CCSER1: variants seen among roughly 807,000 people sequenced by gnomAD.
CCSER1 encodes the protein coiled-coil serine rich protein 1.
CCSER1 carries 41 observed loss-of-function variants against 82.0 expected under a neutral mutation model. That is an observed-to-expected ratio of 0.50 (90% CI 0.39 to 0.65). The LOEUF (loss-of-function observed/expected upper bound fraction) is 0.65. CCSER1 is among the 30% of genes least tolerant of loss of function. The pLI, the probability that CCSER1 is intolerant of heterozygous loss-of-function variation, is 0.00. For missense variants in CCSER1, 1,119 were observed against 1,064.2 expected (o/e 1.05, Z -0.72); for synonymous variants, 414 against 383.9 (o/e 1.08, Z -0.92).
intron 1 of CCSER1, among the ~76,000 whole-genome samples, chr4:90,240,100 G>C (rs148411131): frequency 6.6e-6 from 1 of 152,294 alleles, no homozygotes; most frequent in African/African-American, 2.4e-5. Flanking sequence ...GAGCAGAGAA[G>C]TTTTCGAGTT....
intron 9 of CCSER1, among the ~76,000 whole-genome samples, chr4:91,047,346 T>C (rs1478752821): frequency 6.6e-6 from 1 of 152,184 alleles, no homozygotes; most frequent in African/African-American, 2.4e-5. Flanking sequence ...CCATTTTCAA[T>C]ACCTATTTAT....
At chr4:90,579,029 A>AGTCAAG (rs60273839) in intron 5 of CCSER1, among the ~76,000 whole-genome samples, 67,308 of 151,050 alleles carry the variant, frequency 0.45, 18,206 homozygotes, top group African/African-American at 0.77. Flanking sequence ...AAAAAGCTTG[A>AGTCAAG]CTTTTTTTAA....
intron 1 of CCSER1, among the ~76,000 whole-genome samples, chr4:90,166,397 CAT>C (rs1560727354): frequency 6.6e-6 from 1 of 151,796 alleles, no homozygotes; most frequent in Non-Finnish European, 1.5e-5. Context: ...AAAATAGTGA[CAT>C]AGAGTAAAAA....
chr4:90,573,725 T>G (rs1428486398), intron 5 of CCSER1, among the ~76,000 whole-genome samples: 1 of 152,188 alleles, frequency 6.6e-6, no homozygotes, highest in African/African-American at 2.4e-5. Flanking sequence ...TTTTTAATTT[T>G]AAAAGATATT....
At chr4:90,762,645 G>C (rs1158765853) in intron 7 of CCSER1, among the ~76,000 whole-genome samples, 5 of 152,002 alleles carry the variant, frequency 3.3e-5, no homozygotes, top group African/African-American at 9.7e-5. Context: ...TCTAATAATA[G>C]CACTTAGATA....
chr4:91,175,146 A>G (rs927208237), intron 10 of CCSER1, among the ~76,000 whole-genome samples: 2 of 152,168 alleles, frequency 1.3e-5, no homozygotes, highest in Non-Finnish European at 2.9e-5. Flanking sequence ...TATAAAGGAC[A>G]TGAACTCATC....
At chr4:90,909,201 C>T (rs571432787) in intron 8 of CCSER1, among the ~76,000 whole-genome samples, 3 of 152,260 alleles carry the variant, frequency 2.0e-5, no homozygotes, top group Non-Finnish European at 4.4e-5. Flanking sequence ...TGTCCCTCTT[C>T]TTATAAAGAA....
chr4:91,438,642 T>C (rs1754862241), intron 10 of CCSER1, among the ~76,000 whole-genome samples: 1 of 152,182 alleles, frequency 6.6e-6, no homozygotes, highest in Non-Finnish European at 1.5e-5. Flanking sequence ...AGAATGACTT[T>C]GACAAGTTGA....
intron 8 of CCSER1, among the ~76,000 whole-genome samples, chr4:90,824,858 A>G (rs1213821249): frequency 2.0e-5 from 3 of 152,202 alleles, no homozygotes; most frequent in Non-Finnish European, 4.4e-5. Context: ...AAACATTATT[A>G]AAGTGTCAGG....
chr4:91,536,664 T>G (rs924928764), intron 10 of CCSER1, among the ~76,000 whole-genome samples: 1 of 152,108 alleles, frequency 6.6e-6, no homozygotes, highest in African/African-American at 2.4e-5. Context: ...ACCAAAGGTC[T>G]CAGTTCCTGT....
At chr4:90,132,918 G>C (rs1723045741) in intron 1 of CCSER1, among the ~76,000 whole-genome samples, 1 of 152,156 alleles carries the variant, frequency 6.6e-6, no homozygotes, top group Admixed American at 6.5e-5. Context: ...TTATTATCTA[G>C]TGACAATTCT....
chr4:90,577,749 A>G (rs1780926000), intron 5 of CCSER1, among the ~76,000 whole-genome samples: 2 of 152,122 alleles, frequency 1.3e-5, no homozygotes, highest in Admixed American at 6.6e-5. Context: ...CCCAAATGCT[A>G]ATAGATGGAG....
intron 6 of CCSER1, among the ~76,000 whole-genome samples, chr4:90,668,744 T>A (rs892017201): frequency 6.6e-6 from 1 of 152,264 alleles, no homozygotes; most frequent in African/African-American, 2.4e-5. Flanking sequence ...ATTTTGGGAA[T>A]TTTTTAGATC....
At chr4:90,919,308 G>A (rs1209722302) in intron 8 of CCSER1, among the ~76,000 whole-genome samples, 2 of 151,852 alleles carry the variant, frequency 1.3e-5, no homozygotes, top group East Asian at 1.9e-4. Context: ...CAGAGATACT[G>A]TACTAGGGTC....
intron 3 of CCSER1, among the ~76,000 whole-genome samples, chr4:90,371,624 A>C (rs992447457): frequency 6.6e-6 from 1 of 152,202 alleles, no homozygotes; most frequent in Non-Finnish European, 1.5e-5. Flanking sequence ...AATCAACATC[A>C]TAATTAGGAA....
At chr4:90,180,817 C>T (rs1375194384) in intron 1 of CCSER1, among the ~76,000 whole-genome samples, 5 of 152,028 alleles carry the variant, frequency 3.3e-5, no homozygotes, top group South Asian at 4.1e-4. Flanking sequence ...TTCATGGCTT[C>T]GACAACAAAT....
At chr4:91,090,636 C>A (rs1362017209) in intron 10 of CCSER1, among the ~76,000 whole-genome samples, 3 of 152,276 alleles carry the variant, frequency 2.0e-5, no homozygotes, top group Non-Finnish European at 4.4e-5. Flanking sequence ...GGAACTAATT[C>A]TTGGGCTTCC....
intron 10 of CCSER1, among the ~76,000 whole-genome samples, chr4:91,585,557 A>G (rs954985283): frequency 1.3e-5 from 2 of 151,518 alleles, no homozygotes; most frequent in Non-Finnish European, 3.0e-5. Flanking sequence ...AAGAGAATGT[A>G]TAGGTTGTGT....
intron 10 of CCSER1, among the ~76,000 whole-genome samples, chr4:91,094,192 A>G (rs1043877029): frequency 1.6e-4 from 24 of 152,292 alleles, no homozygotes; most frequent in African/African-American, 5.3e-4. Flanking sequence ...GGTCTTTAGC[A>G]GGAAACTTCT....
Sources: allele counts gnomAD v4.1 joint callset (sites outside exome capture counted in the v4.1 genomes callset), GRCh38; gene constraint gnomAD v4.1.1; transcripts MANE v1.5; gene names NCBI Gene and HGNC (gene_info 2026-07-23, HGNC 2026-07-21).